Variants in MMP20 observed in about 807,000 individuals in gnomAD.
MMP20 encodes the protein matrix metallopeptidase 20.
A neutral mutation model predicts 51.8 loss-of-function variants in MMP20; 50 were observed. The ratio of observed to expected loss-of-function variants is 0.97; its 90% confidence interval spans 0.77 to 1.22. MMP20 has a LOEUF of 1.22. Ranked by LOEUF, MMP20 falls within the 50% of genes most tolerant of loss-of-function variation. The pLI, the probability that MMP20 is intolerant of heterozygous loss-of-function variation, is 0.00. For synonymous variants in MMP20, 244 were observed against 216.2 expected, an observed-to-expected ratio of 1.13 and a Z score of -1.13; for missense variants, 663 against 601.4, an observed-to-expected ratio of 1.10 and a Z score of -1.07.
At chr11:102,614,810 A>G (rs1859647009) in intron 2 of MMP20, among the ~76,000 whole-genome samples, 1 of 151,992 alleles carries the variant, frequency 6.6e-6, no homozygotes, top group Non-Finnish European at 1.5e-5. Flanking sequence ...GGAGAAAAAA[A>G]AAAACCCACT....
chr11:102,577,470 C>G (rs1242905571), intron 9 of MMP20, 44 bp from the exon 10 acceptor site: 1 of 1,300,436 alleles, frequency 7.7e-7, no homozygotes, highest in Non-Finnish European at 1.1e-6. Flanking sequence ...AGATGTCCAG[C>G]ACATATATAA....
intron 5 of MMP20, 148 bp downstream of exon 5, chr11:102,608,789 G>A: frequency 1.2e-6 from 1 of 833,582 alleles, no homozygotes; most frequent in Non-Finnish European, 2.0e-6. Context: ...TTTATAACTA[G>A]CAAATCAGCT....
intron 6 of MMP20, among the ~76,000 whole-genome samples, chr11:102,596,017 C>T (rs929089580): frequency 6.6e-6 from 1 of 152,140 alleles, no homozygotes; most frequent in Non-Finnish European, 1.5e-5. Context: ...TTATGGAGCA[C>T]CTATCATCAG....
intron 8 of MMP20, among the ~76,000 whole-genome samples, chr11:102,581,821 A>T (rs72984045): frequency 0.091 from 13,926 of 152,200 alleles, 723 homozygotes; most frequent in East Asian, 0.19. Flanking sequence ...TTCCTGGCAC[A>T]CAGTAAGCCA....
At chr11:102,581,612 T>G (rs1162725762) in intron 8 of MMP20, among the ~76,000 whole-genome samples, 1 of 152,138 alleles carries the variant, frequency 6.6e-6, no homozygotes, top group Admixed American at 6.5e-5. Flanking sequence ...TATGTGGTGG[T>G]TGGGAAGGCC....
intron 8 of MMP20, among the ~76,000 whole-genome samples, chr11:102,590,803 C>T (rs1859308244): frequency 6.6e-6 from 1 of 152,132 alleles, no homozygotes; most frequent in Non-Finnish European, 1.5e-5. Flanking sequence ...TCTCCTTTGT[C>T]CTTTCTTCTC....
At chr11:102,593,298 T>A (rs1439352592) in intron 8 of MMP20, 141 bp downstream of exon 8, 3 of 722,032 alleles carry the variant, frequency 4.2e-6, no homozygotes, top group Non-Finnish European at 6.9e-6. Flanking sequence ...GTCAACCATC[T>A]GTAAATCGCA....
intron 8 of MMP20, among the ~76,000 whole-genome samples, chr11:102,582,137 A>G (rs1859203860): frequency 6.6e-6 from 1 of 152,152 alleles, no homozygotes. Context: ...TACTCTCCAC[A>G]TTTGTATTCT....
At chr11:102,615,024 TTTTAATATAA>T (rs1261837170) in intron 2 of MMP20, among the ~76,000 whole-genome samples, 5 of 148,670 alleles carry the variant, frequency 3.4e-5, no homozygotes, top group African/African-American at 7.3e-5. Flanking sequence ...TTACCTTTAT[TTTTAATATAA>T]TTTAATATAA....
intron 1 of MMP20, among the ~76,000 whole-genome samples, chr11:102,620,329 A>G (rs572183553): frequency 4.3e-4 from 65 of 152,336 alleles, no homozygotes; most frequent in African/African-American, 1.5e-3. Flanking sequence ...GTTTTGGCAT[A>G]CTTTTCACTG....
chr11:102,584,302 A>T (rs1859229684), intron 8 of MMP20, among the ~76,000 whole-genome samples: 1 of 152,054 alleles, frequency 6.6e-6, no homozygotes, highest in African/African-American at 2.4e-5. Context: ...TTATTATCTG[A>T]CTTTTTGATT....
rs1859255863 is a variant in MMP20 at position 102,586,509 on chromosome 11, T to C, written c.1247+6930A>G. 1.3e-5 allele frequency among the ~76,000 whole-genome samples: 2 copies of C among 152,146 alleles called. 1 individual carries two copies. The highest frequency in any genetic ancestry group is 4.8e-5 in the African/African-American group (2 of 41,432). ...ATGTCTCCTCTTTTATTTCTGATTT[T>C]AGTAATTTAAATTTTTTCTTTTGGC... On this transcript the variant is annotated intron_variant, in intron 8 of 9. Transcript: ENST00000260228.
rs765685299 is a variant in MMP20, at chr11:102,606,676, C to G, written c.812G>C (p.Gly271Ala). ...DDVKGIQALYGPRKVFLGKPT... is the reference protein window; with the variant it reads ...DDVKGIQALYAPRKVFLGKPT... ...CTTCCCCAGGAATACTTTCCGAGGT[C>G]CTAGGATTCAAAATGAGTTGGTCAA... is the stretch of plus-strand genomic sequence containing the variant. The change falls in exon 6 of 10, where the codon GGA becomes GCA. Residue 271 changes from glycine to alanine, a missense_variant and splice_region_variant. Coordinates refer to ENST00000260228, the MANE Select transcript of MMP20 (RefSeq NM_004771.4). 8.7e-6 allele frequency: 14 copies of G among 1,613,918 alleles called. No homozygotes were observed. The South Asian group carries it at 1.3e-4, about 15-fold the overall frequency.
intron 6 of MMP20, among the ~76,000 whole-genome samples, chr11:102,604,945 A>G (rs1859495040): frequency 6.6e-6 from 1 of 152,212 alleles, no homozygotes; most frequent in African/African-American, 2.4e-5. Context: ...GGGACATAAA[A>G]CAATATGCTT....
chr11:102,614,742 T>C (rs1453304930), intron 2 of MMP20, among the ~76,000 whole-genome samples: 1 of 151,916 alleles, frequency 6.6e-6, no homozygotes, highest in Non-Finnish European at 1.5e-5. Context: ...TTCTGGCCCC[T>C]CCTTTGATCA....
At chr11:102,618,445 A>T (rs1327382868) in intron 1 of MMP20, among the ~76,000 whole-genome samples, 1 of 151,710 alleles carries the variant, frequency 6.6e-6, no homozygotes, top group Non-Finnish European at 1.5e-5. Flanking sequence ...ATATAAAGAT[A>T]ATAAGTAATT....
intron 2 of MMP20, among the ~76,000 whole-genome samples, chr11:102,614,876 C>G (rs1434413043): frequency 6.6e-6 from 1 of 151,948 alleles, no homozygotes; most frequent in African/African-American, 2.4e-5. Context: ...ATGGCTAATT[C>G]AAGCTACCAA....
intron 6 of MMP20, among the ~76,000 whole-genome samples, chr11:102,598,051 A>G (rs1395644721): frequency 6.8e-6 from 1 of 147,468 alleles, no homozygotes; most frequent in Non-Finnish European, 1.5e-5. Flanking sequence ...ACAGGCGTAG[A>G]CACCATGCCT....
intron 4 of MMP20, 140 bp downstream of exon 4, chr11:102,609,765 T>C (rs2135942232): frequency 1.7e-6 from 2 of 1,184,266 alleles, no homozygotes; most frequent in Admixed American, 1.9e-5. Flanking sequence ...TGATCCCTTT[T>C]GGATTTTTGG....
Sources: allele counts gnomAD v4.1 joint callset (sites outside exome capture counted in the v4.1 genomes callset), GRCh38; gene constraint gnomAD v4.1.1; transcripts MANE v1.5; gene names NCBI Gene and HGNC (gene_info 2026-07-23, HGNC 2026-07-21).